The following CNTRL variants were observed in gnomAD, a reference collection of about 807,000 sequenced individuals.
The protein encoded by CNTRL is 110 kDa centrosomal protein.
CNTRL carries 233 observed loss-of-function variants against 303.7 expected under a neutral mutation model. That is an observed-to-expected ratio of 0.77 (90% CI 0.69 to 0.86). The LOEUF is 0.86. CNTRL is among the 40% of genes least tolerant of loss of function. The probability of loss-of-function intolerance (pLI) is 0.00; values close to 1 mark genes in which losing one functional copy is unlikely to be tolerated. For missense variants in CNTRL, 2,524 were observed against 2,650.6 expected, an observed-to-expected ratio of 0.95 and a Z score of 1.05; for synonymous variants, 900 against 922.2, an observed-to-expected ratio of 0.98 and a Z score of 0.44.
rs970200089 is a variant in CNTRL at position 121,167,626 on chromosome 9, G to A, written c.5793G>A (p.Val1931=). ...AGACAAAACAACAACAACTTCAAGT[G>A]CTTCAGAATGAGATTGAAGAAAACA... ...EEETKQQQLQ[V]LQNEIEENKL... is the part of the protein sequence containing the mutation. Residue 1931 remains valine, a synonymous_variant, in exon 37 of 44, where the codon GTG becomes GTA. Coordinates refer to ENST00000373855, the MANE Select transcript of CNTRL (RefSeq NM_007018.6). 1.9e-6 allele frequency: 3 copies of A among 1,614,040 alleles called. No homozygotes were observed. The highest frequency in any genetic ancestry group is 2.7e-5 in the African/African-American group (2 of 74,940).
In CNTRL at chr9:121,113,688, A is replaced by G. The variant is rs370202924; in HGVS notation, c.1309A>G (p.Thr437Ala). The G allele has an allele frequency of 1.8e-5, 28 of 1,555,626 alleles. No homozygotes were observed. Among genetic ancestry groups the G allele is most frequent in the Non-Finnish European group, 2.3e-5 (27 of 1,159,200 alleles). The change falls in exon 10 of 44, where the codon ACG becomes GCG. Residue 437 changes from threonine (T) to alanine (A), a missense_variant. Coordinates refer to ENST00000373855, the MANE Select transcript of CNTRL (RefSeq NM_007018.6). ...MNLRGHTPLD[T>A]QLEDKEKKIS... is the part of the protein sequence containing the mutation. The stretch of plus-strand genomic sequence containing the variant: ...CTTGAGAGGCCACACACCACTGGAC[A>G]CGCAACTGGAAGACAAAGAAAAAAA...
At chr9:121,158,512 A>T (rs2052696087) in intron 30 of CNTRL, 1 of 236,598 alleles carries the variant, frequency 4.2e-6, no homozygotes, top group African/African-American at 2.3e-5. Context: ...AATTTTAAAA[A>T]TGAATACATT....
In CNTRL at chr9:121,088,470, T is replaced by G; in HGVS notation, c.144T>G (p.Ser48=). 1 of 1,613,284 alleles carries G rather than the reference T, an allele frequency of 6.2e-7. No individual in the cohort carries two copies. The highest frequency in any genetic ancestry group is 8.5e-7 in the Non-Finnish European group (1 of 1,179,250). ...GATCAGAGACTCTACCTTTTCATTC[T>G]GGAGGACAGTGGTGTGAGCAAGTTG... ...LIGSETLPFH[S]GGQWCEQVEI... The change falls in exon 3 of 44, where the codon TCT becomes TCG. Residue 48 remains serine, a synonymous_variant. Coordinates refer to ENST00000373855, the MANE Select transcript of CNTRL (RefSeq NM_007018.6).
At chr9:121,125,567 A>C (rs908667935) in intron 13 of CNTRL, 149 bp from the exon 14 acceptor site, 2 of 666,660 alleles carry the variant, frequency 3.0e-6, no homozygotes, top group African/African-American at 3.6e-5. Flanking sequence ...CTATAATAGG[A>C]AGAAAATTTA....
intron 19 of CNTRL, among the ~76,000 whole-genome samples, 181 bp downstream of exon 19, chr9:121,142,451 A>G (rs927077712): frequency 2.7e-4 from 41 of 152,220 alleles, no homozygotes; most frequent in Admixed American, 1.0e-3. Context: ...AGCTAAGACC[A>G]TGTGTTGTGG....
At chr9:121,123,760 C>T (rs2050362556) in intron 12 of CNTRL, among the ~76,000 whole-genome samples, 171 bp from the exon 13 acceptor site, 1 of 152,120 alleles carries the variant, frequency 6.6e-6, no homozygotes, top group Non-Finnish European at 1.5e-5. Context: ...TCAAGTTATC[C>T]TGAAATTTAA....
At chr9:121,138,282 C>T (rs560172970) in intron 15 of CNTRL, among the ~76,000 whole-genome samples, 20 of 152,078 alleles carry the variant, frequency 1.3e-4, no homozygotes, top group Non-Finnish European at 2.9e-4. Flanking sequence ...GTAGGTGCCT[C>T]GGCCCACCCC....
At chr9:121,144,777 G>A in intron 20 of CNTRL, 66 bp from the exon 21 acceptor site, 1 of 1,232,250 alleles carries the variant, frequency 8.1e-7, no homozygotes, top group Non-Finnish European at 1.2e-6. Flanking sequence ...ATCAATCCAA[G>A]AGGAAGAAAT....
intron 2 of CNTRL, 52 bp downstream of exon 2, chr9:121,080,530 A>T (rs960268575): frequency 1.3e-5 from 2 of 152,196 alleles, no homozygotes; most frequent in Non-Finnish European, 2.9e-5. Context: ...TATTCTTTAG[A>T]ATTAACTTCA....
intron 20 of CNTRL, 99 bp from the exon 21 acceptor site, chr9:121,144,744 G>A (rs1323582658): frequency 6.5e-6 from 6 of 930,112 alleles, no homozygotes; most frequent in Non-Finnish European, 1.0e-5. Flanking sequence ...CAGCCTGGTA[G>A]GCAATGTGAT....
rs1456578387 is a variant in CNTRL, at chr9:121,090,366, GA to G, written c.311del (p.Asn104ThrfsTer27). ...QDNLALIKSL[N>X]LSLSKDGGKK... ...ATAATTTGGCTTTGATAAAATCTCT[GA>G]ACCTTTCACTTTCTAAAGACGGTGG... On this transcript the variant is annotated frameshift_variant, in exon 4 of 44. Coordinates refer to ENST00000373855, the MANE Select transcript of CNTRL (RefSeq NM_007018.6). LOFTEE classifies it high-confidence loss of function. 1 of 1,612,320 alleles carries G rather than the reference GA, an allele frequency of 6.2e-7. No homozygotes were observed. Among genetic ancestry groups the G allele is most frequent in the African/African-American group, 1.3e-5 (1 of 74,864 alleles).
At chr9:121,145,413 A>C (rs780720427) in intron 22 of CNTRL, 28 bp downstream of exon 22, 1 of 1,578,002 alleles carries the variant, frequency 6.3e-7, no homozygotes, top group Non-Finnish European at 8.6e-7. Context: ...GATTTTTGGC[A>C]GTGGTTTTGT....
chr9:121,097,254 A>C (rs918117763), intron 6 of CNTRL, among the ~76,000 whole-genome samples: 5 of 152,138 alleles, frequency 3.3e-5, no homozygotes, highest in African/African-American at 1.2e-4. Flanking sequence ...AATTTAATGA[A>C]CATCAGTTGT....
At chr9:121,076,008 T>C (rs544744474) in intron 1 of CNTRL, among the ~76,000 whole-genome samples, 2 of 152,336 alleles carry the variant, frequency 1.3e-5, no homozygotes, top group African/African-American at 2.4e-5. Context: ...CTTTGAGGAT[T>C]TAAATTTGGT....
chr9:121,161,218 T>A, intron 32 of CNTRL: 1 of 420,040 alleles, frequency 2.4e-6, no homozygotes, highest in South Asian at 7.6e-5. Context: ...AAAAGTGATT[T>A]GGGGTGGTGA....
intron 3 of CNTRL, among the ~76,000 whole-genome samples, chr9:121,088,760 A>G (rs1180101029): frequency 6.6e-6 from 1 of 152,158 alleles, no homozygotes; most frequent in African/African-American, 2.4e-5. Flanking sequence ...GTTTTCAGAA[A>G]GAGGAAGCTT....
intron 1 of CNTRL, among the ~76,000 whole-genome samples, chr9:121,076,446 A>G (rs2047928526): frequency 6.6e-6 from 1 of 152,096 alleles, no homozygotes. Flanking sequence ...GTTGGGATGA[A>G]GAGGAATGGA....
intron 11 of CNTRL, among the ~76,000 whole-genome samples, chr9:121,117,148 A>G (rs1449795505): frequency 6.6e-6 from 1 of 152,242 alleles, no homozygotes; most frequent in Non-Finnish European, 1.5e-5. Flanking sequence ...ATGCTAACAA[A>G]GGTAAGCTTC....
chr9:121,135,584 T>C (rs1241183691), intron 14 of CNTRL, among the ~76,000 whole-genome samples: 1 of 152,176 alleles, frequency 6.6e-6, no homozygotes, highest in Non-Finnish European at 1.5e-5. Context: ...AACAATATGT[T>C]GGGAGCTTAC....
Sources: allele counts gnomAD v4.1 joint callset (sites outside exome capture counted in the v4.1 genomes callset), GRCh38; gene constraint gnomAD v4.1.1; transcripts MANE v1.5; gene names NCBI Gene and HGNC (gene_info 2026-07-23, HGNC 2026-07-21).